PLD1: variants seen among roughly 807,000 people sequenced by gnomAD.
PLD1 encodes the protein choline phosphatase 1.
PLD1 carries 112 observed loss-of-function variants against 137.1 expected under a neutral mutation model. The observed-to-expected ratio is 0.82, with a 90% CI of 0.70 to 0.96. PLD1 has a LOEUF of 0.96. Among genes scored for constraint, PLD1 ranks in the 40% least tolerant of loss-of-function variants. The pLI, the probability that PLD1 is intolerant of heterozygous loss-of-function variation, is 0.00. For missense variants in PLD1, 1,321 were observed against 1,342.0 expected, an observed-to-expected ratio of 0.98 and a Z score of 0.24; for synonymous variants, 431 against 454.7, an observed-to-expected ratio of 0.95 and a Z score of 0.66.
intron 23 of PLD1, among the ~76,000 whole-genome samples, chr3:171,629,666 T>C (rs1255755899): frequency 1.3e-5 from 2 of 151,736 alleles, no homozygotes; most frequent in Non-Finnish European, 2.9e-5. Context: ...AAAACAGAGA[T>C]ATAGATCAAT....
In PLD1 at chr3:171,724,760, C is replaced by T. The variant is rs1718379174; in HGVS notation, c.694G>A (p.Gly232Arg). 1 of 1,609,794 alleles carries T rather than the reference C, an allele frequency of 6.2e-7. No individual in the cohort carries two copies. Among genetic ancestry groups the T allele is most frequent in the Non-Finnish European group, 8.5e-7 (1 of 1,177,140 alleles). Residue 232 changes from glycine to arginine, a missense_variant, in exon 8 of 27, where the codon GGA becomes AGA. Gly to Arg is a moderately radical substitution (Grantham distance 125). Coordinates refer to ENST00000351298, the MANE Select transcript of PLD1 (RefSeq NM_002662.5). ...CAATTCAAGCCTGGTATTCTGTGTC[C>T]TCCAGATCTTTTCATTATCATACCT... Reference protein sequence around the residue: ...IEGMIMKRSGGHRIPGLNCCG... With the variant: ...IEGMIMKRSGRHRIPGLNCCG...
intron 16 of PLD1, among the ~76,000 whole-genome samples, chr3:171,685,667 C>A (rs893260962): frequency 2.0e-5 from 3 of 152,232 alleles, no homozygotes; most frequent in Non-Finnish European, 2.9e-5. Flanking sequence ...ATCCCCATAT[C>A]TGACCAGCGG....
At chr3:171,711,898 A>G (rs914568321) in intron 9 of PLD1, among the ~76,000 whole-genome samples, 4 of 151,860 alleles carry the variant, frequency 2.6e-5, no homozygotes, top group African/African-American at 9.7e-5. Context: ...AATTCTGCCT[A>G]CTACTAAGAG....
At chr3:171,765,179 C>T (rs2108319514) in intron 1 of PLD1, 1 of 152,210 alleles carries the variant, frequency 6.6e-6, no homozygotes, top group East Asian at 1.9e-4. Context: ...GAATTGTATA[C>T]TTTAAAGGGC....
chr3:171,794,898 A>G (rs1723368702), intron 1 of PLD1, among the ~76,000 whole-genome samples: 1 of 152,274 alleles, frequency 6.6e-6, no homozygotes, highest in Admixed American at 6.5e-5. Flanking sequence ...TTAGCTATAT[A>G]GATTTAATGA....
chr3:171,801,828 G>A (rs978955779), intron 1 of PLD1, among the ~76,000 whole-genome samples: 11 of 152,202 alleles, frequency 7.2e-5, no homozygotes, highest in Middle Eastern at 3.2e-3. Flanking sequence ...GGAAACAGGA[G>A]TTTCCCCAAA....
intron 3 of PLD1, among the ~76,000 whole-genome samples, chr3:171,735,955 A>G (rs1578382394): frequency 6.6e-6 from 1 of 152,222 alleles, no homozygotes; most frequent in African/African-American, 2.4e-5. Flanking sequence ...TGGAGGAGAC[A>G]ATGAGAAAGG....
chr3:171,674,979 C>CAAAAAAAAAAAAAA (rs376402019), intron 18 of PLD1, among the ~76,000 whole-genome samples: 2 of 75,014 alleles, frequency 2.7e-5, no homozygotes, highest in East Asian at 4.7e-4. Flanking sequence ...ATCTCCATCT[C>CAAAAAAAAAAAAAA]AAAAAAAAAA....
intron 16 of PLD1, among the ~76,000 whole-genome samples, chr3:171,684,523 C>G (rs901874267): frequency 6.6e-6 from 1 of 152,150 alleles, no homozygotes; most frequent in African/African-American, 2.4e-5. Flanking sequence ...ACACCCAGTA[C>G]TAGGTGTATG....
At chr3:171,635,040 C>T (rs1384926689) in intron 23 of PLD1, among the ~76,000 whole-genome samples, 1 of 152,088 alleles carries the variant, frequency 6.6e-6, no homozygotes, top group African/African-American at 2.4e-5. Flanking sequence ...GCCTTTTGTG[C>T]CTGGCTTCTT....
intron 3 of PLD1, 58 bp downstream of exon 3, chr3:171,737,473 AT>A (rs1399516482): frequency 6.9e-7 from 1 of 1,445,242 alleles, no homozygotes; most frequent in Non-Finnish European, 9.4e-7. Flanking sequence ...ATGAAAGGCT[AT>A]GTACTAATTC....
At chr3:171,654,845 G>A (rs1176944999) in intron 21 of PLD1, among the ~76,000 whole-genome samples, 1 of 152,030 alleles carries the variant, frequency 6.6e-6, no homozygotes, top group Non-Finnish European at 1.5e-5. Flanking sequence ...GGTCAGCATG[G>A]GGTAAACATG....
intron 19 of PLD1, among the ~76,000 whole-genome samples, chr3:171,667,438 G>T (rs574433481): frequency 6.6e-6 from 1 of 152,258 alleles, no homozygotes; most frequent in South Asian, 2.1e-4. Context: ...CTGAACAAAA[G>T]AGAAAAGTTA....
intron 20 of PLD1, among the ~76,000 whole-genome samples, chr3:171,660,024 G>A (rs534480718): frequency 6.6e-6 from 1 of 152,222 alleles, no homozygotes; most frequent in South Asian, 2.1e-4. Context: ...CTGCATAAAG[G>A]AATGTGAAAA....
rs1193204526 is a variant in PLD1, at chr3:171,639,598, CATATAATATATATTAT to C, written c.2593+3226_2593+3241del. Among the ~76,000 whole-genome samples the C allele has an allele frequency of 4.6e-3, 354 of 76,318 alleles. 14 individuals carry two copies. The highest frequency in any genetic ancestry group is 0.019 in the African/African-American group (283 of 14,698). 50.1% of individuals were successfully genotyped at this position (76,318 alleles called of 152,430 possible). A position where few individuals can be genotyped will look rare whatever the true frequency, so the allele number is the denominator to read the frequency against. The stretch of plus-strand genomic sequence containing the variant: ...AATATATATTCATATAATATATATT[CATATAATATATATTAT>C]ATATAATATATATTCTATATAATAT... On this transcript the variant is annotated intron_variant, in intron 23 of 26. Transcript: ENST00000351298.
chr3:171,679,854 A>G (rs1713775989), intron 16 of PLD1, among the ~76,000 whole-genome samples: 1 of 152,250 alleles, frequency 6.6e-6, no homozygotes, highest in Admixed American at 6.5e-5. Context: ...ACAGTAGCTC[A>G]GAATTACATG....
At chr3:171,766,977 AT>A (rs1215902018) in intron 1 of PLD1, among the ~76,000 whole-genome samples, 4 of 152,212 alleles carry the variant, frequency 2.6e-5, no homozygotes, top group Admixed American at 6.5e-5. Context: ...TTTTAAAAAA[AT>A]ATATGTCTCA....
chr3:171,609,374 A>G (rs529055307), intron 25 of PLD1, among the ~76,000 whole-genome samples: 148 of 152,254 alleles, frequency 9.7e-4, no homozygotes, highest in African/African-American at 3.3e-3. Context: ...CAATACAACA[A>G]TCCCACAACT....
chr3:171,787,952 C>T (rs1398799738), intron 1 of PLD1, among the ~76,000 whole-genome samples: 3 of 151,830 alleles, frequency 2.0e-5, no homozygotes, highest in African/African-American at 7.3e-5. Context: ...CATGCCTATA[C>T]TCCCAGCACT....
Sources: allele counts gnomAD v4.1 joint callset (sites outside exome capture counted in the v4.1 genomes callset), GRCh38; gene constraint gnomAD v4.1.1; transcripts MANE v1.5; gene names NCBI Gene and HGNC (gene_info 2026-07-23, HGNC 2026-07-21).